The following MAST4 variants were observed in gnomAD, a reference collection of about 807,000 sequenced individuals.
The protein encoded by MAST4 is microtubule associated serine/threonine kinase family member 4.
Under a neutral mutation model 162.7 loss-of-function variants are expected in MAST4, and 89 were observed. The ratio of observed to expected loss-of-function variants is 0.55; its 90% CI spans 0.46 to 0.65. The LOEUF is 0.65. Among genes scored for constraint, MAST4 ranks in the 30% least tolerant of loss-of-function variants. The pLI is 0.00. For missense variants in MAST4, 3,153 were observed against 3,374.0 expected, an observed-to-expected ratio of 0.93 and a Z score of 1.62; for synonymous variants, 1,479 against 1,361.1, an observed-to-expected ratio of 1.09 and a Z score of -1.91.
chr5:66,895,288 G>A (rs747523560), intron 3 of MAST4, among the ~76,000 whole-genome samples: 1 of 152,102 alleles, frequency 6.6e-6, no homozygotes, highest in African/African-American at 2.4e-5. Context: ...ATTTTAAATG[G>A]CGAAGTCCCT....
chr5:66,734,789 C>T (rs774061196), intron 1 of MAST4, among the ~76,000 whole-genome samples: 10 of 152,168 alleles, frequency 6.6e-5, no homozygotes, highest in East Asian at 1.9e-4. Context: ...CTGTATTGGA[C>T]GGCACAGTGT....
Position 66,931,272 on chromosome 5 carries a change from G to A in MAST4, c.674+31290G>A, listed in dbSNP as rs183871577. On this transcript the variant is annotated intron_variant, in intron 4 of 28. Coordinates refer to ENST00000403625, the MANE Select transcript of MAST4 (RefSeq NM_001164664.2). ...TTATCCTTATTTTTATGGAGTTTCA[G>A]ACATTTACAAGGGTTTTTTAAAGGT... Among the ~76,000 whole-genome samples, 16 of 152,252 alleles carry A rather than the reference G, an allele frequency of 1.1e-4. No homozygotes were observed. In the East Asian group the frequency reaches 1.9e-3, roughly 18 times the overall value.
intron 2 of MAST4, among the ~76,000 whole-genome samples, chr5:66,771,690 C>A (rs1481208314): frequency 6.6e-6 from 1 of 151,486 alleles, no homozygotes; most frequent in Non-Finnish European, 1.5e-5. Context: ...TTATTGAATC[C>A]ATATATTAAA....
At chr5:66,733,521 G>A (rs1359424055) in intron 1 of MAST4, among the ~76,000 whole-genome samples, 1 of 152,144 alleles carries the variant, frequency 6.6e-6, no homozygotes, top group Non-Finnish European at 1.5e-5. Context: ...GTGCAGTGGT[G>A]CGATCTCGGC....
chr5:66,827,340 A>T (rs775868276), intron 3 of MAST4, among the ~76,000 whole-genome samples: 16 of 152,214 alleles, frequency 1.1e-4, no homozygotes, highest in Non-Finnish European at 2.9e-5. Flanking sequence ...TCAAATCAAC[A>T]TGCCTAAGTG....
intron 5 of MAST4, among the ~76,000 whole-genome samples, chr5:67,076,169 T>A (rs996449808): frequency 6.6e-6 from 1 of 152,230 alleles, no homozygotes; most frequent in Non-Finnish European, 1.5e-5. Context: ...TCTTGAGTAG[T>A]TGTCTTCTCT....
At chr5:66,998,284 C>T (rs537713019) in intron 4 of MAST4, among the ~76,000 whole-genome samples, 2 of 152,316 alleles carry the variant, frequency 1.3e-5, no homozygotes, top group South Asian at 4.1e-4. Context: ...TCAAGAAGCA[C>T]CTTGTCCTTG....
Position 67,099,722 on chromosome 5 carries a change from T to G in MAST4, c.913-713T>G, listed in dbSNP as rs539847094. Among the ~76,000 whole-genome samples, 919 of 152,248 alleles carry G rather than the reference T, an allele frequency of 6.0e-3. 9 individuals are homozygous for G. The highest frequency in any genetic ancestry group is 7.5e-3 in the Non-Finnish European group (510 of 68,000). On this transcript the variant is annotated intron_variant, in intron 7 of 28. Transcript: ENST00000403625. ...AGCAGGGTTATTTAGCTGTTCATCT[T>G]TCCTGTCTTTCCTTGTTCCAAATGT...
chr5:66,758,505 C>T (rs1050205900), intron 1 of MAST4, among the ~76,000 whole-genome samples: 1 of 151,890 alleles, frequency 6.6e-6, no homozygotes, highest in Non-Finnish European at 1.5e-5. Flanking sequence ...TAGACTTGAC[C>T]TCCTGGACTC....
intron 4 of MAST4, among the ~76,000 whole-genome samples, chr5:66,985,426 C>A (rs1477598639): frequency 1.3e-5 from 2 of 152,150 alleles, no homozygotes; most frequent in Non-Finnish European, 2.9e-5. Context: ...TTGAGGGGCC[C>A]TAGATTTTCC....
At chr5:66,947,633 C>T (rs1744192091) in intron 4 of MAST4, among the ~76,000 whole-genome samples, 1 of 152,168 alleles carries the variant, frequency 6.6e-6, no homozygotes, top group African/African-American at 2.4e-5. Context: ...ATAGGAGTCT[C>T]TTCCTTGCCT....
At chr5:66,883,138 G>C (rs1394685241) in intron 3 of MAST4, among the ~76,000 whole-genome samples, 1 of 152,222 alleles carries the variant, frequency 6.6e-6, no homozygotes, top group Non-Finnish European at 1.5e-5. Context: ...GAGGCCCATG[G>C]TTTCTCTCAC....
chr5:66,987,601 A>G (rs1404814311), intron 4 of MAST4, among the ~76,000 whole-genome samples: 2 of 152,144 alleles, frequency 1.3e-5, no homozygotes, highest in African/African-American at 4.8e-5. Context: ...ACAAAACTGT[A>G]CTGAAAAAAT....
At chr5:66,601,065 T>C (rs1391485747) in intron 1 of MAST4, among the ~76,000 whole-genome samples, 1 of 152,222 alleles carries the variant, frequency 6.6e-6, no homozygotes, top group Non-Finnish European at 1.5e-5. Context: ...TTTAATATTT[T>C]GGATGTGTTT....
chr5:67,003,230 T>A (rs1751490123), intron 4 of MAST4, among the ~76,000 whole-genome samples: 1 of 152,072 alleles, frequency 6.6e-6, no homozygotes, highest in South Asian at 2.1e-4. Context: ...TGGGATAAAG[T>A]CCCAAATGTA....
At chr5:66,981,567 G>C (rs1387469082) in intron 4 of MAST4, among the ~76,000 whole-genome samples, 1 of 152,198 alleles carries the variant, frequency 6.6e-6, no homozygotes. Flanking sequence ...TGGCAGAGTT[G>C]CATTGAATTT....
intron 4 of MAST4, among the ~76,000 whole-genome samples, chr5:67,029,631 T>C (rs1755077556): frequency 1.3e-5 from 2 of 152,094 alleles, no homozygotes; most frequent in East Asian, 1.9e-4. Context: ...ATGGTGTGTT[T>C]TGATTGTTGG....
intron 4 of MAST4, among the ~76,000 whole-genome samples, chr5:66,934,483 A>G (rs1445685540): frequency 2.0e-5 from 3 of 152,196 alleles, no homozygotes; most frequent in Admixed American, 6.6e-5. Context: ...GTCTGAAGTT[A>G]AAGGATAGTA....
At chr5:66,974,932 G>C (rs1344487263) in intron 4 of MAST4, among the ~76,000 whole-genome samples, 2 of 152,184 alleles carry the variant, frequency 1.3e-5, no homozygotes, top group African/African-American at 4.8e-5. Flanking sequence ...GTCATGGGCT[G>C]AATGGTGGCC....
Sources: gnomAD v4.1 joint callset for allele counts (sites outside exome capture counted in the v4.1 genomes callset) on GRCh38, gnomAD v4.1.1 for gene constraint, MANE v1.5 for transcripts, NCBI Gene and HGNC (gene_info 2026-07-23, HGNC 2026-07-21) for gene names.